Variants in CNOT3 observed in about 807,000 individuals in gnomAD.
CNOT3 encodes the protein CCR4-NOT transcription complex subunit 3.
Under a neutral mutation model 89.4 loss-of-function variants are expected in CNOT3, and 2 were observed. The observed-to-expected ratio is 0.02, with a 90% confidence interval of 0.01 to 0.07. CNOT3 has a LOEUF of 0.07. Ranked by LOEUF, CNOT3 falls within the 10% of genes least tolerant of loss-of-function variation. The pLI is 1.00. For missense variants in CNOT3, 664 were observed against 1,010.2 expected (o/e 0.66, Z 4.65); for synonymous variants, 486 against 402.0 (o/e 1.21, Z -2.50).
At position 54,155,521 on chromosome 19, in the gene CNOT3, C is replaced by T. The variant is rs1010944207; in HGVS notation, c.*114C>T. ...GCCCCAAGCCACGGGGCATCCCCCT[C>T]TCCCAGGAAGCAGGGAGGGGGCCGG... is the stretch of plus-strand genomic sequence containing the variant. On this transcript the variant is annotated 3_prime_UTR_variant, in exon 18 of 18. Coordinates refer to ENST00000221232, the MANE Select transcript of CNOT3 (RefSeq NM_014516.4). The T allele has an allele frequency of 2.2e-6, 2 of 927,376 alleles. No individual in the cohort carries two copies. The highest frequency in any genetic ancestry group is 3.2e-6 in the Non-Finnish European group (2 of 623,676). 57.4% of individuals were successfully genotyped at this position (927,376 alleles called of 1,614,324 possible).
intron 1 of CNOT3, among the ~76,000 whole-genome samples, chr19:54,139,257 C>T (rs906896651): frequency 6.6e-6 from 1 of 152,180 alleles, no homozygotes; most frequent in African/African-American, 2.4e-5. Context: ...TCCATCTTCA[C>T]ACCAGTCTCC....
chr19:54,146,488 G>A, intron 9 of CNOT3, 113 bp from the exon 10 acceptor site: 1 of 743,602 alleles, frequency 1.3e-6, no homozygotes, highest in South Asian at 1.5e-5. Context: ...ACCAGCTCTG[G>A]GGCCGCAATG....
In CNOT3 at chr19:54,153,813, C is replaced by G; in HGVS notation, c.2136C>G (p.Pro712=). The change falls in exon 17 of 18, where the codon CCC becomes CCG. Residue 712 remains proline (P), a synonymous_variant. Coordinates refer to ENST00000221232, the MANE Select transcript of CNOT3 (RefSeq NM_014516.4). ...TGTGGTTCCAGAGGCACGAGGAGCC[C>G]AAGACCATCACTGACGAGTTTGAGC... The part of the protein sequence containing the change: ...YMMWFQRHEE[P]KTITDEFEQG... 6.2e-7 allele frequency: 1 copy of G among 1,614,220 alleles called. No homozygotes were observed. The highest frequency in any genetic ancestry group is 8.5e-7 in the Non-Finnish European group (1 of 1,180,032).
intron 10 of CNOT3, 125 bp downstream of exon 10, chr19:54,146,782 GC>G (rs1478099266): frequency 1.4e-6 from 1 of 730,056 alleles, no homozygotes; most frequent in African/African-American, 1.7e-5. Context: ...AGAAATCAGT[GC>G]TGCCCTGAGG....
chr19:54,148,822 G>A lies in CNOT3; in HGVS notation c.1406+79G>A, dbSNP rs1282527845. The A allele has an allele frequency of 9.7e-6, 14 of 1,435,908 alleles. No individual in the cohort carries two copies. Among genetic ancestry groups the A allele is most frequent in the Admixed American group, 2.0e-5 (1 of 48,872 alleles). The allele number at this position is 1,435,908 out of a possible 1,614,324, so 88.9% of individuals were successfully genotyped here. A position where few individuals can be genotyped will look rare whatever the true frequency, so the allele number is the denominator to read the frequency against. ...GGCGCAGGCGCCTCACCCCCGCATC[G>A]GTGGGTTCTGAACCCCCCGCCCTTG... On this transcript the variant is annotated intron_variant, in intron 12 of 17. Coordinates refer to ENST00000221232, the MANE Select transcript of CNOT3 (RefSeq NM_014516.4). This position sits in a 1 kb window ranked among gnomAD's most constrained non-coding sequence, Gnocchi z 6.3.
Position 54,153,833 on chromosome 19 carries a change from T to G in CNOT3, c.2156T>G (p.Phe719Cys). The G allele has an allele frequency of 6.2e-7, 1 of 1,614,188 alleles. No individual in the cohort carries two copies. Among genetic ancestry groups the G allele is most frequent in the Non-Finnish European group, 8.5e-7 (1 of 1,180,034 alleles). The change falls in exon 17 of 18, where the codon TTT (phenylalanine) becomes TGT (cysteine). Residue 719 changes from phenylalanine to cysteine, a missense_variant. Around this residue, in one of 8 missense-constraint regions of CNOT3, gnomAD observed 13 missense variants for 44.3 expected, o/e 0.29. Coordinates refer to ENST00000221232, the MANE Select transcript of CNOT3 (RefSeq NM_014516.4). ...HEEPKTITDE[F>C]EQGTYIYFDY... ...GAGCCCAAGACCATCACTGACGAGT[T>G]TGAGCAGGTGAGGGCCCCGCCCCCT... is the stretch of plus-strand genomic sequence containing the variant.
In CNOT3 at chr19:54,145,989, C is replaced by A; in HGVS notation, c.783C>A (p.Pro261=). The A allele has an allele frequency of 6.2e-7, 1 of 1,613,838 alleles. No individual in the cohort carries two copies. Among genetic ancestry groups the A allele is most frequent in the South Asian group, 1.1e-5 (1 of 91,082 alleles). Reference sequence around the variant, plus strand: ...TCTTCAACCAGTCCAGCAGCACGCCCACCTCAACCACCTCCAGCTCTCCCA... The same window carrying A: ...TCTTCAACCAGTCCAGCAGCACGCCAACCTCAACCACCTCCAGCTCTCCCA... ...DEIFNQSSST[P]TSTTSSSPIP... is the part of the protein sequence containing the mutation. Residue 261 remains proline, a synonymous_variant, in exon 9 of 18, where the codon CCC becomes CCA. Coordinates refer to ENST00000221232, the MANE Select transcript of CNOT3 (RefSeq NM_014516.4). This position sits in a 1 kb window ranked among gnomAD's most constrained non-coding sequence, Gnocchi z 5.9.
chr19:54,138,911 T>G (rs2146517940), intron 1 of CNOT3, among the ~76,000 whole-genome samples: 1 of 152,350 alleles, frequency 6.6e-6, no homozygotes, highest in African/African-American at 2.4e-5. Context: ...TCCTGGCGTC[T>G]GCCCCTGGCT....
intron 17 of CNOT3, 84 bp from the exon 18 acceptor site, chr19:54,155,225 G>T (rs1048242804): frequency 2.6e-6 from 4 of 1,559,282 alleles, no homozygotes; most frequent in African/African-American, 1.4e-5. Context: ...ACAGCCCTAA[G>T]AATTGTCCCC....
In CNOT3 at chr19:54,155,464, G is replaced by T; in HGVS notation, c.*57G>T. The T allele has an allele frequency of 8.3e-7, 1 of 1,201,848 alleles. No individual in the cohort carries two copies. Among genetic ancestry groups the T allele is most frequent in the Non-Finnish European group, 1.2e-6 (1 of 841,620 alleles). 74.4% of individuals were successfully genotyped at this position (1,201,848 alleles called of 1,614,324 possible). ...CCCGCATGCTGATCCCCCTGCCCAGGTGAGGGCCCTGCCCTGGAAGACTGG... is the reference window on the plus strand; with the variant it reads ...CCCGCATGCTGATCCCCCTGCCCAGTTGAGGGCCCTGCCCTGGAAGACTGG... On this transcript the variant is annotated 3_prime_UTR_variant, in exon 18 of 18. Transcript: ENST00000221232.
intron 2 of CNOT3, 34 bp from the exon 3 acceptor site, chr19:54,143,085 C>T (rs1344860375): frequency 6.2e-7 from 1 of 1,612,964 alleles, no homozygotes. Context: ...GCCACCTGGG[C>T]AGGATTCTCA....
At chr19:54,149,808 T>C (rs201831247) in intron 13 of CNOT3, 50 bp downstream of exon 13, 11 of 1,521,170 alleles carry the variant, frequency 7.2e-6, no homozygotes, top group Non-Finnish European at 9.8e-6. Context: ...CTCTGTTGTT[T>C]CTTTCCTCCA....
In CNOT3 at chr19:54,155,547, G is replaced by A. The variant is rs1000201134; in HGVS notation, c.*140G>A. On this transcript the variant is annotated 3_prime_UTR_variant, in exon 18 of 18. Coordinates refer to ENST00000221232, the MANE Select transcript of CNOT3 (RefSeq NM_014516.4). Reference sequence around the variant, plus strand: ...TCCCAGGAAGCAGGGAGGGGGCCGGGAGGTTTTCCTCTCAGCCCCACCCTG... The same window carrying A: ...TCCCAGGAAGCAGGGAGGGGGCCGGAAGGTTTTCCTCTCAGCCCCACCCTG... The A allele has an allele frequency of 1.1e-5, 10 of 914,578 alleles. No individual in the cohort carries two copies. The highest frequency in any genetic ancestry group is 1.6e-5 in the Non-Finnish European group (10 of 613,962). The allele number at this position is 914,578 out of a possible 1,614,324, so 56.7% of individuals were successfully genotyped here.
At chr19:54,140,399 TG>T (rs2074400098) in intron 1 of CNOT3, among the ~76,000 whole-genome samples, 4 of 151,918 alleles carry the variant, frequency 2.6e-5, no homozygotes, top group Non-Finnish European at 5.9e-5. Flanking sequence ...CGCCTGAGAG[TG>T]GACCTGCGAT....
chr19:54,148,810 C>T lies in CNOT3; in HGVS notation c.1406+67C>T. 6.5e-7 allele frequency: 1 copy of T among 1,534,256 alleles called. No individual in the cohort carries two copies. The highest frequency in any genetic ancestry group is 2.3e-5 in the East Asian group (1 of 42,824). On this transcript the variant is annotated intron_variant, in intron 12 of 17. Coordinates refer to ENST00000221232, the MANE Select transcript of CNOT3 (RefSeq NM_014516.4). The surrounding 1 kb of genome is among the most constrained non-coding windows in gnomAD (Gnocchi z 6.3). ...TTGAAACAGAGAGGCGCAGGCGCCT[C>T]ACCCCCGCATCGGTGGGTTCTGAAC...
intron 16 of CNOT3, 43 bp downstream of exon 16, chr19:54,153,042 G>A (rs779363319): frequency 1.5e-5 from 24 of 1,567,518 alleles, no homozygotes; most frequent in African/African-American, 8.1e-5. Flanking sequence ...CCCCGGCTTC[G>A]CCGCCACCGC....
chr19:54,148,050 A>ATCTC lies in CNOT3; in HGVS notation c.895-98_895-97insTCTC. 1.0e-6 allele frequency: 1 copy of ATCTC among 962,950 alleles called. No homozygotes were observed. The highest frequency in any genetic ancestry group is 1.4e-6 in the Non-Finnish European group (1 of 691,124). The allele number at this position is 962,950 out of a possible 1,614,324, so 59.7% of individuals were successfully genotyped here. On this transcript the variant is annotated intron_variant, in intron 10 of 17. Coordinates refer to ENST00000221232, the MANE Select transcript of CNOT3 (RefSeq NM_014516.4). The surrounding 1 kb of genome is among the most constrained non-coding windows in gnomAD (Gnocchi z 6.3). ...GCAGGTGGGGGCAGCGAGGCCAGAG[A>ATCTC]GGAGGCTGCTGGGACAAAGATGGAG...
chr19:54,146,762 C>T (rs751169999), intron 10 of CNOT3, 105 bp downstream of exon 10: 2 of 764,304 alleles, frequency 2.6e-6, no homozygotes, highest in Admixed American at 1.8e-5. Flanking sequence ...CTGGTGGACA[C>T]AGGTGGCTCA....
rs202038414 is a variant in CNOT3, at chr19:54,152,963, G to A, written c.2001G>A (p.Ser667=). ...CTGTGGAATTCTACCAGCGCCTGTC[G>A]ACCGAGACACTCTTCTTCATCTTCT... ...SDTVEFYQRL[S]TETLFFIFYY... is the part of the protein sequence containing the mutation. Residue 667 remains serine (S), a synonymous_variant, in exon 16 of 18, where the codon TCG becomes TCA. Transcript: ENST00000221232. 93 of 1,609,100 alleles carry A rather than the reference G, an allele frequency of 5.8e-5. No individual in the cohort carries two copies. The highest frequency in any genetic ancestry group is 3.3e-4 in the Middle Eastern group (2 of 6,070).
Sources: gnomAD v4.1 joint callset for allele counts (sites outside exome capture counted in the v4.1 genomes callset) on GRCh38, gnomAD v4.1.1 for gene constraint, gnomAD v4.1.1 regional missense constraint, Gnocchi (gnomAD v3.1) non-coding constraint, MANE v1.5 for transcripts, NCBI Gene and HGNC (gene_info 2026-07-23, HGNC 2026-07-21) for gene names.